Variants in LRRTM3 observed in about 807,000 individuals in gnomAD.
LRRTM3 encodes the protein leucine rich repeat transmembrane neuronal 3.
A neutral mutation model predicts 44.7 loss-of-function variants in LRRTM3; 24 were observed. The ratio of observed to expected loss-of-function variants is 0.54; its 90% CI spans 0.39 to 0.76. LRRTM3 has a LOEUF of 0.76. Ranked by LOEUF, LRRTM3 falls within the 30% of genes least tolerant of loss-of-function variation. The pLI is 0.00. For synonymous variants in LRRTM3, 277 were observed against 278.7 expected (o/e 0.99, Z 0.06); for missense variants, 587 against 702.2 (o/e 0.84, Z 1.85).
rs1055607864 is a variant in LRRTM3 at position 67,100,454 on chromosome 10, G to T, written c.*2658G>T. Among the ~76,000 whole-genome samples, 9 of 151,680 alleles carry T rather than the reference G, an allele frequency of 5.9e-5. No individual in the cohort carries two copies. The highest frequency in any genetic ancestry group is 1.2e-4 in the Non-Finnish European group (8 of 67,780). Reference sequence around the variant, plus strand: ...GGGTGAGGGTGGTGACAATCTGAAAGACTGTGTCTGGAATCTTTATCACAT... The same window carrying T: ...GGGTGAGGGTGGTGACAATCTGAAATACTGTGTCTGGAATCTTTATCACAT... On this transcript the variant is annotated 3_prime_UTR_variant, in exon 3 of 3. Transcript: ENST00000361320.
At chr10:66,962,513 G>A (rs540580183) in intron 2 of LRRTM3, among the ~76,000 whole-genome samples, 115 of 151,668 alleles carry the variant, frequency 7.6e-4, no homozygotes, top group African/African-American at 2.5e-3. Flanking sequence ...GGGTTCAAGC[G>A]ATTCTCCTGC....
chr10:66,958,199 T>C (rs1306806098), intron 2 of LRRTM3, among the ~76,000 whole-genome samples: 1 of 149,588 alleles, frequency 6.7e-6, no homozygotes, highest in Non-Finnish European at 1.5e-5. Flanking sequence ...AGGAAGAAAA[T>C]AAATATTCTA....
In LRRTM3 at chr10:67,049,813, T is replaced by C. The variant is rs144674541; in HGVS notation, c.1537-47774T>C. On this transcript the variant is annotated intron_variant, in intron 2 of 2. Transcript: ENST00000361320. ...ACAAAGGTCAAAGATTAAATGTAGG[T>C]ATGTGCATGTGTTTTATATATATTA... is the stretch of plus-strand genomic sequence containing the variant. 2.7e-3 allele frequency among the ~76,000 whole-genome samples: 416 copies of C among 152,280 alleles called. 1 individual carries two copies. Among genetic ancestry groups the C allele is most frequent in the Non-Finnish European group, 3.7e-3 (251 of 68,008 alleles).
At chr10:67,091,135 C>T (rs10762137) in intron 2 of LRRTM3, among the ~76,000 whole-genome samples, 83,292 of 151,770 alleles carry the variant, frequency 0.55, 24,035 homozygotes, top group African/African-American at 0.74. Context: ...ACAAAATAAA[C>T]GTTGCTAGCC....
intron 2 of LRRTM3, among the ~76,000 whole-genome samples, chr10:66,963,244 G>A (rs1240656101): frequency 6.6e-6 from 1 of 152,178 alleles, no homozygotes; most frequent in Non-Finnish European, 1.5e-5. Flanking sequence ...TTATGCCATG[G>A]AAGAGCAAGC....
At chr10:66,997,827 A>G (rs1005337320) in intron 2 of LRRTM3, among the ~76,000 whole-genome samples, 1 of 152,176 alleles carries the variant, frequency 6.6e-6, no homozygotes, top group South Asian at 2.1e-4. Flanking sequence ...TATCCACAAA[A>G]TCACCCAAGC....
chr10:67,083,448 G>T (rs1216237482), intron 2 of LRRTM3, among the ~76,000 whole-genome samples: 1 of 151,172 alleles, frequency 6.6e-6, no homozygotes, highest in East Asian at 1.9e-4. Flanking sequence ...CACTAAAGCA[G>T]AATAACCTGA....
chr10:67,002,449 T>C (rs1303906109), intron 2 of LRRTM3, among the ~76,000 whole-genome samples: 1 of 152,186 alleles, frequency 6.6e-6, no homozygotes, highest in African/African-American at 2.4e-5. Context: ...TTCTACAAGG[T>C]TGAATCTAAA....
intron 2 of LRRTM3, among the ~76,000 whole-genome samples, chr10:66,950,777 A>G (rs552886905): frequency 2.1e-4 from 32 of 152,294 alleles, no homozygotes; most frequent in African/African-American, 7.7e-4. Context: ...AAAACAAAAA[A>G]GCATGAGTTC....
intron 2 of LRRTM3, among the ~76,000 whole-genome samples, chr10:67,076,069 T>C (rs1456478696): frequency 6.6e-6 from 1 of 152,212 alleles, no homozygotes; most frequent in African/African-American, 2.4e-5. Flanking sequence ...CATTTCACAT[T>C]TTTAGCAGCA....
intron 2 of LRRTM3, among the ~76,000 whole-genome samples, chr10:67,042,031 G>A (rs892768213): frequency 2.2e-4 from 33 of 152,146 alleles, no homozygotes; most frequent in African/African-American, 7.2e-5. Context: ...GATAGGAGAC[G>A]TGAGCAGAGC....
rs58818789 is a variant in LRRTM3 at position 67,046,046 on chromosome 10, C to A, written c.1537-51541C>A. Among the ~76,000 whole-genome samples, 1,077 of 152,178 alleles carry A rather than the reference C, an allele frequency of 7.1e-3. 18 individuals are homozygous for A. Among genetic ancestry groups the A allele is most frequent in the African/African-American group, 0.024 (1,016 of 41,528 alleles). On this transcript the variant is annotated intron_variant, in intron 2 of 2. Transcript: ENST00000361320. ...ATAAAATAAAAGTGAAAAAGAAATA[C>A]AACAAATTTCAGACTGCCTTATGAA... is the stretch of plus-strand genomic sequence containing the variant.
rs7903680 is a variant in LRRTM3 at position 66,935,320 on chromosome 10, T to C, written c.1536+6868T>C. Among the ~76,000 whole-genome samples, 960 of 152,000 alleles carry C rather than the reference T, an allele frequency of 6.3e-3. 9 individuals are homozygous for C. The highest frequency in any genetic ancestry group is 0.022 in the African/African-American group (898 of 41,480). ...CCTCTCTAAGGTACAACAGTGAAAA[T>C]AGTTATAACGGTGAAAACTCTAGGA... On this transcript the variant is annotated intron_variant, in intron 2 of 2. Coordinates refer to ENST00000361320, the MANE Select transcript of LRRTM3 (RefSeq NM_178011.5).
intron 2 of LRRTM3, among the ~76,000 whole-genome samples, chr10:66,988,820 A>C (rs564581656): frequency 6.6e-6 from 1 of 152,024 alleles, no homozygotes; most frequent in Non-Finnish European, 1.5e-5. Flanking sequence ...ATAGATCATT[A>C]TAAACCTCTT....
At chr10:66,948,034 A>C (rs1420871843) in intron 2 of LRRTM3, among the ~76,000 whole-genome samples, 3 of 152,244 alleles carry the variant, frequency 2.0e-5, no homozygotes, top group South Asian at 2.1e-4. Flanking sequence ...TTTGTAACAC[A>C]ATGGTATTTG....
At chr10:67,020,933 C>T (rs1439358226) in intron 2 of LRRTM3, among the ~76,000 whole-genome samples, 5 of 152,108 alleles carry the variant, frequency 3.3e-5, no homozygotes, top group African/African-American at 1.2e-4. Context: ...ACTTACACTA[C>T]CCGGAAGATA....
At chr10:67,023,366 C>T (rs192519288) in intron 2 of LRRTM3, among the ~76,000 whole-genome samples, 345 of 152,196 alleles carry the variant, frequency 2.3e-3, no homozygotes, top group African/African-American at 7.7e-3. Flanking sequence ...TTCATGCTTC[C>T]TGAAGTCAAG....
chr10:67,006,501 T>A lies in LRRTM3; in HGVS notation c.1536+78049T>A, dbSNP rs530981417. Among the ~76,000 whole-genome samples, 109 of 150,292 alleles carry A rather than the reference T, an allele frequency of 7.3e-4. 2 individuals carry two copies. The South Asian group carries it at 0.019, about 26-fold the overall frequency. On this transcript the variant is annotated intron_variant, in intron 2 of 2. Transcript: ENST00000361320. ...TTATTCAACTTCTATTTCCAAAAAC[T>A]TAGCTTTTTCCTGGGACAAATCCCC...
chr10:67,018,824 T>C (rs1273536677), intron 2 of LRRTM3, among the ~76,000 whole-genome samples: 2 of 152,228 alleles, frequency 1.3e-5, no homozygotes, highest in Non-Finnish European at 2.9e-5. Context: ...GTATAAATAT[T>C]AGATATTATT....
Sources: allele counts gnomAD v4.1 joint callset (sites outside exome capture counted in the v4.1 genomes callset), GRCh38; gene constraint gnomAD v4.1.1; transcripts MANE v1.5; gene names NCBI Gene and HGNC (gene_info 2026-07-23, HGNC 2026-07-21).